INPP4A: variants seen among roughly 807,000 people sequenced by gnomAD.
The protein encoded by INPP4A is inositol polyphosphate-4-phosphatase, type I, 107kD.
In INPP4A, 33 loss-of-function variants were observed where a neutral mutation model predicts 119.8. The ratio of observed to expected loss-of-function variants is 0.28; its 90% CI spans 0.21 to 0.37. The LOEUF (loss-of-function observed/expected upper bound fraction) is 0.37. INPP4A is among the 10% of genes least tolerant of loss of function. The pLI, the probability that INPP4A is intolerant of heterozygous loss-of-function variation, is 1.00. For missense variants in INPP4A, 956 were observed against 1,289.9 expected (o/e 0.74, Z 3.97); for synonymous variants, 496 against 500.7 (o/e 0.99, Z 0.12).
At position 98,539,695 on chromosome 2, in the gene INPP4A, C is replaced by A; in HGVS notation, c.818+20C>A. On this transcript the variant is annotated intron_variant, in intron 10 of 24. Transcript: ENST00000409851. ...AGCCAGGTGAGGCCACATGGAAGGACTGACTGTCCATCATACCCATGTCAT... is the reference window on the plus strand; with the variant it reads ...AGCCAGGTGAGGCCACATGGAAGGAATGACTGTCCATCATACCCATGTCAT... The A allele has an allele frequency of 6.3e-7, 1 of 1,596,798 alleles. No homozygotes were observed. The highest frequency in any genetic ancestry group is 1.4e-5 in the African/African-American group (1 of 73,722).
chr2:98,553,604 T>G (rs1693947597), intron 14 of INPP4A, among the ~76,000 whole-genome samples: 1 of 152,098 alleles, frequency 6.6e-6, no homozygotes, highest in Admixed American at 6.6e-5. Context: ...AGATTCTGAC[T>G]ATACCTCCAC....
At position 98,588,386 on chromosome 2, in the gene INPP4A, A is replaced by G. The variant is rs1158075647; in HGVS notation, c.*778A>G. On this transcript the variant is annotated 3_prime_UTR_variant, in exon 25 of 25. Coordinates refer to ENST00000409851, the MANE Select transcript of INPP4A (RefSeq NM_001134225.2). ...CGAGGCTCCCTCACGCCCAGAGGAC[A>G]CATCTCCCCTTCTTCTCTAGATGTT... The G allele has an allele frequency of 5.0e-6, 1 of 199,506 alleles. No homozygotes were observed. The highest frequency in any genetic ancestry group is 1.0e-5 in the Non-Finnish European group (1 of 96,836). 12.4% of individuals were successfully genotyped at this position (199,506 alleles called of 1,614,324 possible). A position where few individuals can be genotyped will look rare whatever the true frequency, so the allele number is the denominator to read the frequency against.
At chr2:98,555,930 T>A in intron 16 of INPP4A, 122 bp downstream of exon 16, 1 of 1,257,742 alleles carries the variant, frequency 8.0e-7, no homozygotes, top group Non-Finnish European at 1.1e-6. Context: ...GGCTGCCAGG[T>A]GGAGCGGGGG....
intron 1 of INPP4A, among the ~76,000 whole-genome samples, chr2:98,505,434 G>A (rs964321775): frequency 6.6e-6 from 1 of 152,192 alleles, no homozygotes; most frequent in African/African-American, 2.4e-5. Context: ...TTTCCCTGCA[G>A]TGCTTCCTTG....
In INPP4A at chr2:98,568,555, C is replaced by T. The variant is rs1047949118; in HGVS notation, c.2421-16C>T. 2 of 1,452,922 alleles carry T rather than the reference C, an allele frequency of 1.4e-6. No homozygotes were observed. The highest frequency in any genetic ancestry group is 2.3e-5 in the East Asian group (1 of 42,964). The allele number at this position is 1,452,922 out of a possible 1,614,324, so 90.0% of individuals were successfully genotyped here. A position where few individuals can be genotyped will look rare whatever the true frequency, so the allele number is the denominator to read the frequency against. On this transcript the variant is annotated splice_polypyrimidine_tract_variant and intron_variant, in intron 21 of 24. Transcript: ENST00000409851. ...TGACATTAGCCAACTAATGGCATCC[C>T]CTATAACCTCCCAAGGTTTGGCGAT...
At chr2:98,454,894 G>C (rs1187229489) in intron 1 of INPP4A, among the ~76,000 whole-genome samples, 1 of 152,176 alleles carries the variant, frequency 6.6e-6, no homozygotes, top group African/African-American at 2.4e-5. Flanking sequence ...GAGCTGAAAT[G>C]TTGAGTATTT....
chr2:98,587,606 T>A lies in INPP4A; in HGVS notation c.2917T>A (p.Ter973ArgextTer6). The change falls in exon 25 of 25, where the codon TGA (stop) becomes AGA (arginine). Residue 973 changes from the stop codon to arginine (R), a stop_lost. Coordinates refer to ENST00000409851, the MANE Select transcript of INPP4A (RefSeq NM_001134225.2). ...AGGGACTTACGGAAAAGTTGAAACG[T>A]GAACACACGGTTTCCTCTAATTAGC... Reference protein sequence around the residue: ...PEGTYGKVET* With the variant: ...PEGTYGKVETR The A allele has an allele frequency of 6.3e-7, 1 of 1,599,420 alleles. No individual in the cohort carries two copies. Among genetic ancestry groups the A allele is most frequent in the Non-Finnish European group, 8.5e-7 (1 of 1,175,660 alleles).
Position 98,520,627 on chromosome 2 carries a change from A to G in INPP4A, c.107-60A>G, listed in dbSNP as rs1019448525. The G allele has an allele frequency of 9.3e-6, 10 of 1,075,736 alleles. No homozygotes were observed. In the African/African-American group the frequency reaches 1.1e-4, roughly 12 times the overall value. 66.6% of individuals were successfully genotyped at this position (1,075,736 alleles called of 1,614,324 possible). On this transcript the variant is annotated intron_variant, in intron 3 of 24. Transcript: ENST00000409851. Reference sequence around the variant, plus strand: ...AAGTAGAGGGTCATTTGTGCATTTAATCTGAAAACAGAGAAAAGTTTATTA... The same window carrying G: ...AAGTAGAGGGTCATTTGTGCATTTAGTCTGAAAACAGAGAAAAGTTTATTA...
intron 1 of INPP4A, among the ~76,000 whole-genome samples, chr2:98,502,377 C>G (rs1385219464): frequency 6.6e-6 from 1 of 152,150 alleles, no homozygotes; most frequent in African/African-American, 2.4e-5. Flanking sequence ...GGGAATACTT[C>G]TAAAAAATGA....
Position 98,537,859 on chromosome 2 carries a change from A to T in INPP4A, c.468-4A>T. On this transcript the variant is annotated splice_polypyrimidine_tract_variant and splice_region_variant and intron_variant, in intron 7 of 24. Transcript: ENST00000409851. ...CACTCATTAAAGCATGTTGTGCATC[A>T]CAGGTCTGCAGAGAGTGACCGTGTA... 1 of 1,602,642 alleles carries T rather than the reference A, an allele frequency of 6.2e-7. No homozygotes were observed. Among genetic ancestry groups the T allele is most frequent in the Non-Finnish European group, 8.5e-7 (1 of 1,171,934 alleles).
rs779128428 is a variant in INPP4A, at chr2:98,537,968, T to C, written c.573T>C (p.Asn191=). 1 of 1,602,346 alleles carries C rather than the reference T, an allele frequency of 6.2e-7. No homozygotes were observed. Among genetic ancestry groups the C allele is most frequent in the South Asian group, 1.1e-5 (1 of 89,742 alleles). Reference sequence around the variant, plus strand: ...TGACCCGGTCTGTGGACACTGTCAATGGGAGGGTGAGTTACACCACTTTCC... The same window carrying C: ...TGACCCGGTCTGTGGACACTGTCAACGGGAGGGTGAGTTACACCACTTTCC... The part of the protein sequence containing the change: ...PPVTRSVDTV[N]GRMVLPVDES... Residue 191 remains asparagine (N), a synonymous_variant, in exon 8 of 25, where the codon AAT becomes AAC. Coordinates refer to ENST00000409851, the MANE Select transcript of INPP4A (RefSeq NM_001134225.2).
In INPP4A at chr2:98,576,939, C is replaced by G. The variant is rs762743985; in HGVS notation, c.2632-50C>G. ...CCTTTCCTGTGTGTGAAGGGTGCTG[C>G]CTTTCTGTGGAGCCTCGCCTCTAAG... On this transcript the variant is annotated intron_variant, in intron 23 of 24. Coordinates refer to ENST00000409851, the MANE Select transcript of INPP4A (RefSeq NM_001134225.2). 2.1e-5 allele frequency: 33 copies of G among 1,580,156 alleles called. 1 individual carries two copies. In the South Asian group the frequency reaches 2.9e-4, roughly 14 times the overall value.
chr2:98,554,583 A>G lies in INPP4A; in HGVS notation c.1566+94A>G, dbSNP rs545010461. Reference sequence around the variant, plus strand: ...GTCTCTGCCCCTCTGAAGTGCCTCAAGGTTCAACTGCTGTGAACAAGCTCC... The same window carrying G: ...GTCTCTGCCCCTCTGAAGTGCCTCAGGGTTCAACTGCTGTGAACAAGCTCC... On this transcript the variant is annotated intron_variant, in intron 15 of 24. Coordinates refer to ENST00000409851, the MANE Select transcript of INPP4A (RefSeq NM_001134225.2). This position sits in a 1 kb window ranked among gnomAD's most constrained non-coding sequence, Gnocchi z 4.7. 52 of 1,081,084 alleles carry G rather than the reference A, an allele frequency of 4.8e-5. No homozygotes were observed. Among genetic ancestry groups the G allele is most frequent in the Non-Finnish European group, 6.5e-5 (48 of 737,170 alleles). The allele number at this position is 1,081,084 out of a possible 1,614,324, so 67.0% of individuals were successfully genotyped here. A position where few individuals can be genotyped will look rare whatever the true frequency, so the allele number is the denominator to read the frequency against.
At chr2:98,447,453 A>G (rs1035173023) in intron 1 of INPP4A, among the ~76,000 whole-genome samples, 4 of 151,976 alleles carry the variant, frequency 2.6e-5, no homozygotes, top group African/African-American at 7.3e-5. Flanking sequence ...GGCTTGCTTC[A>G]TTTTGTCTCT....
intron 1 of INPP4A, among the ~76,000 whole-genome samples, chr2:98,454,761 G>C (rs369455381): frequency 8.2e-6 from 1 of 121,936 alleles, no homozygotes; most frequent in African/African-American, 3.1e-5. Flanking sequence ...GGATGTGGGC[G>C]GGGGGTGGGA....
At chr2:98,556,910 T>G (rs1694593651) in intron 16 of INPP4A, among the ~76,000 whole-genome samples, 1 of 152,270 alleles carries the variant, frequency 6.6e-6, no homozygotes. Flanking sequence ...CACCTGTGAT[T>G]GGCTCATGGA....
Position 98,569,719 on chromosome 2 carries a change from A to G in INPP4A, c.2518+1051A>G, listed in dbSNP as rs1697113732. 6.6e-6 allele frequency: 1 copy of G among 152,168 alleles called. No homozygotes were observed. 9.4% of individuals were successfully genotyped at this position (152,168 alleles called of 1,614,324 possible). A position where few individuals can be genotyped will look rare whatever the true frequency, so the allele number is the denominator to read the frequency against. ...CTGGCTCTGAAGCCCATGTGCTTGG[A>G]TTGTGGCTGAAGCCGTCCTGCTAGG... On this transcript the variant is annotated intron_variant, in intron 22 of 24. Transcript: ENST00000409851. The surrounding 1 kb of genome is among the most constrained non-coding windows in gnomAD (Gnocchi z 5.1).
chr2:98,453,785 G>T (rs1390330610), intron 1 of INPP4A, among the ~76,000 whole-genome samples: 1 of 152,176 alleles, frequency 6.6e-6, no homozygotes, highest in African/African-American at 2.4e-5. Context: ...CTGGCGTATT[G>T]TTCGTGGTAG....
Position 98,566,843 on chromosome 2 carries a change from G to A in INPP4A, c.2420+674G>A, listed in dbSNP as rs533133682. ...CTTTACTGGCCTTCCACTAGTACATGAGAATGATTCCTGTGTTGTCATTTA... is the reference window on the plus strand; with the variant it reads ...CTTTACTGGCCTTCCACTAGTACATAAGAATGATTCCTGTGTTGTCATTTA... On this transcript the variant is annotated intron_variant, in intron 21 of 24. Coordinates refer to ENST00000409851, the MANE Select transcript of INPP4A (RefSeq NM_001134225.2). This position sits in a 1 kb window ranked among gnomAD's most constrained non-coding sequence, Gnocchi z 4.2. Among the ~76,000 whole-genome samples, 3 of 152,354 alleles carry A rather than the reference G, an allele frequency of 2.0e-5. No homozygotes were observed. In the East Asian group the frequency reaches 5.8e-4, roughly 29 times the overall value.
Sources: allele counts gnomAD v4.1 joint callset (sites outside exome capture counted in the v4.1 genomes callset), GRCh38; gene constraint gnomAD v4.1.1; non-coding constraint Gnocchi (gnomAD v3.1); transcripts MANE v1.5; gene names NCBI Gene and HGNC (gene_info 2026-07-23, HGNC 2026-07-21).